Variants in PARN observed in about 807,000 individuals in gnomAD.
The protein encoded by PARN is poly(A)-specific ribonuclease PARN.
PARN carries 71 observed loss-of-function variants against 102.8 expected under a neutral mutation model. The observed-to-expected ratio is 0.69, with a 90% CI of 0.57 to 0.84. PARN has a LOEUF of 0.84. Ranked by LOEUF, PARN falls within the 40% of genes least tolerant of loss-of-function variation. The pLI, the probability that PARN is intolerant of heterozygous loss-of-function variation, is 0.00. For missense variants in PARN, 782 were observed against 760.9 expected (o/e 1.03, Z -0.33); for synonymous variants, 261 against 252.9 (o/e 1.03, Z -0.30).
intron 21 of PARN, among the ~76,000 whole-genome samples, chr16:14,510,295 A>G (rs1224101965): frequency 6.6e-6 from 1 of 152,254 alleles, no homozygotes; most frequent in Admixed American, 6.5e-5. Context: ...AACTGAGTAA[A>G]GCTACATATT....
intron 23 of PARN, among the ~76,000 whole-genome samples, chr16:14,445,622 C>A (rs1053642386): frequency 2.4e-4 from 37 of 152,306 alleles, no homozygotes; most frequent in African/African-American, 8.9e-4. Context: ...AGTGCAGTGG[C>A]GCAATCTTGG....
chr16:14,613,938 G>C (rs1268491535), intron 6 of PARN, among the ~76,000 whole-genome samples: 2 of 152,040 alleles, frequency 1.3e-5, no homozygotes, highest in Non-Finnish European at 2.9e-5. Context: ...AGCATGAGTA[G>C]TACTCTCAAA....
intron 5 of PARN, among the ~76,000 whole-genome samples, chr16:14,626,396 G>A (rs955345719): frequency 2.0e-5 from 3 of 152,088 alleles, no homozygotes; most frequent in Non-Finnish European, 2.9e-5. Context: ...TGATTCTCCC[G>A]TCTTGGCCTC....
chr16:14,465,353 G>A (rs1962267094), intron 22 of PARN, among the ~76,000 whole-genome samples: 1 of 152,158 alleles, frequency 6.6e-6, no homozygotes, highest in Admixed American at 6.5e-5. Context: ...AAAGTGCTGG[G>A]ATTACAGGCG....
At chr16:14,563,134 T>A (rs1293522322) in intron 18 of PARN, among the ~76,000 whole-genome samples, 1 of 152,222 alleles carries the variant, frequency 6.6e-6, no homozygotes, top group Non-Finnish European at 1.5e-5. Context: ...TCATTATAGT[T>A]CTTTCAAATT....
At chr16:14,542,719 G>A (rs914780851) in intron 21 of PARN, among the ~76,000 whole-genome samples, 2 of 152,126 alleles carry the variant, frequency 1.3e-5, no homozygotes, top group African/African-American at 4.8e-5. Flanking sequence ...CTTAATAGCA[G>A]AAAAATGATG....
At chr16:14,463,008 G>A (rs1374451618) in intron 22 of PARN, among the ~76,000 whole-genome samples, 1 of 152,184 alleles carries the variant, frequency 6.6e-6, no homozygotes, top group Admixed American at 6.5e-5. Flanking sequence ...ATTCAGCAGA[G>A]GACTGATCAG....
chr16:14,566,589 G>C (rs984120888), intron 18 of PARN, among the ~76,000 whole-genome samples: 2 of 152,112 alleles, frequency 1.3e-5, no homozygotes, highest in South Asian at 2.1e-4. Context: ...AGCAGCCACA[G>C]AACACTAATC....
chr16:14,473,251 T>C (rs187494943), intron 22 of PARN, among the ~76,000 whole-genome samples: 3 of 152,352 alleles, frequency 2.0e-5, no homozygotes, highest in Non-Finnish European at 4.4e-5. Flanking sequence ...TACACTCTAG[T>C]GTACTACACG....
chr16:14,538,288 G>A (rs1292511291), intron 21 of PARN, among the ~76,000 whole-genome samples: 1 of 141,542 alleles, frequency 7.1e-6, no homozygotes, highest in East Asian at 2.1e-4. Flanking sequence ...GCATGATCTT[G>A]GCTCACTACA....
intron 21 of PARN, among the ~76,000 whole-genome samples, chr16:14,510,768 T>C (rs879469713): frequency 6.6e-6 from 1 of 152,176 alleles, no homozygotes; most frequent in Non-Finnish European, 1.5e-5. Flanking sequence ...GCCACCCCCA[T>C]CTATGTGACA....
intron 5 of PARN, among the ~76,000 whole-genome samples, chr16:14,623,518 C>CA (rs1400617487): frequency 2.0e-4 from 28 of 137,134 alleles, no homozygotes; most frequent in South Asian, 4.7e-4. Context: ...ATCTCAAAAA[C>CA]AAAAAAAAAG....
chr16:14,563,398 T>C (rs1202855601), intron 18 of PARN, among the ~76,000 whole-genome samples: 3 of 152,070 alleles, frequency 2.0e-5, no homozygotes, highest in Non-Finnish European at 4.4e-5. Flanking sequence ...GAGTGTACCA[T>C]GACAGATCTG....
At chr16:14,573,233 A>C (rs1430597797) in intron 18 of PARN, among the ~76,000 whole-genome samples, 1 of 152,174 alleles carries the variant, frequency 6.6e-6, no homozygotes, top group Non-Finnish European at 1.5e-5. Context: ...TGATATGTAC[A>C]ACATGTTTTG....
At chr16:14,569,160 C>A (rs545984781) in intron 18 of PARN, among the ~76,000 whole-genome samples, 4 of 151,306 alleles carry the variant, frequency 2.6e-5, no homozygotes, top group African/African-American at 9.7e-5. Flanking sequence ...TGCAGTGAGA[C>A]GAGATCACGC....
chr16:14,628,313 C>G (rs1030386385), intron 2 of PARN, 62 bp from the exon 3 acceptor site: 1 of 913,850 alleles, frequency 1.1e-6, no homozygotes, highest in African/African-American at 1.7e-5. Context: ...AAATGCCAGT[C>G]AATCATTCAG....
chr16:14,495,685 C>A (rs978822475), intron 21 of PARN, among the ~76,000 whole-genome samples: 29 of 152,128 alleles, frequency 1.9e-4, no homozygotes, highest in African/African-American at 5.6e-4. Context: ...GGAGAAGAGG[C>A]GAGCTGGGGT....
intron 21 of PARN, among the ~76,000 whole-genome samples, chr16:14,513,735 T>G (rs892957039): frequency 6.6e-6 from 1 of 152,192 alleles, no homozygotes; most frequent in Non-Finnish European, 1.5e-5. Context: ...TTCCTGCCAC[T>G]GTCACAAAGC....
At chr16:14,501,146 G>C (rs1156626788) in intron 21 of PARN, among the ~76,000 whole-genome samples, 1 of 151,614 alleles carries the variant, frequency 6.6e-6, no homozygotes, top group Non-Finnish European at 1.5e-5. Flanking sequence ...TAAATGAGAA[G>C]AGAAAAGCGA....
Sources: gnomAD v4.1 joint callset for allele counts (sites outside exome capture counted in the v4.1 genomes callset) on GRCh38, gnomAD v4.1.1 for gene constraint, MANE v1.5 for transcripts, NCBI Gene and HGNC (gene_info 2026-07-23, HGNC 2026-07-21) for gene names.